Variants in KCNQ1 observed in about 807,000 individuals in gnomAD.
The protein encoded by KCNQ1 is potassium voltage-gated channel subfamily KQT member 1.
In KCNQ1, 49 loss-of-function variants were observed where a neutral mutation model predicts 72.4. The ratio of observed to expected loss-of-function variants is 0.68; its 90% confidence interval spans 0.54 to 0.86. The LOEUF (loss-of-function observed/expected upper bound fraction) is 0.86, where lower values mean the gene tolerates loss of function less well. Among genes scored for constraint, KCNQ1 ranks in the 40% least tolerant of loss-of-function variants. The pLI is 0.00. For synonymous variants in KCNQ1, 450 were observed against 412.6 expected (o/e 1.09, Z -1.10); for missense variants, 790 against 945.1 (o/e 0.84, Z 2.15).
intron 15 of KCNQ1, among the ~76,000 whole-genome samples, chr11:2,794,817 C>T (rs35569550): frequency 0.032 from 4,822 of 152,260 alleles, 121 homozygotes; most frequent in South Asian, 0.081. Context: ...AACCACATAC[C>T]TGTTCTTCCC....
intron 11 of KCNQ1, chr11:2,675,535 A>G (rs993050344): frequency 7.5e-6 from 3 of 398,482 alleles, no homozygotes; most frequent in Non-Finnish European, 1.3e-5. Flanking sequence ...TTCCAGAATC[A>G]CTCCACTGGA....
In KCNQ1 at chr11:2,713,376, GTTTTA is replaced by G. The variant is rs1296643003; in HGVS notation, c.1514+51303_1514+51307del. Among the ~76,000 whole-genome samples the G allele has an allele frequency of 6.6e-6, 1 of 152,174 alleles. No homozygotes were observed. The highest frequency in any genetic ancestry group is 1.9e-4 in the East Asian group (1 of 5,202). On this transcript the variant is annotated intron_variant, in intron 11 of 15. Transcript: ENST00000155840. The surrounding 1 kb of genome is among the most constrained non-coding windows in gnomAD (Gnocchi z 5.6). Reference sequence around the variant, plus strand: ...CATCTTTTCCGCTGTGGTTTTTATTGTTTTATTTTATTATTCCAGCTATATTACGT... The same window carrying G: ...CATCTTTTCCGCTGTGGTTTTTATTGTTTTATTATTCCAGCTATATTACGT...
At chr11:2,655,520 CA>C (rs1849830313) in intron 10 of KCNQ1, 1 of 398,618 alleles carries the variant, frequency 2.5e-6, no homozygotes, top group South Asian at 1.3e-4. Flanking sequence ...TCAAGTACAC[CA>C]TGGGCTCAAC....
At chr11:2,757,485 T>C (rs1846322515) in intron 11 of KCNQ1, among the ~76,000 whole-genome samples, 1 of 152,188 alleles carries the variant, frequency 6.6e-6, no homozygotes, top group Admixed American at 6.5e-5. Context: ...ATAGTAAACA[T>C]TTCAGTTCTC....
At chr11:2,732,786 G>A (rs549105858) in intron 11 of KCNQ1, among the ~76,000 whole-genome samples, 6 of 152,242 alleles carry the variant, frequency 3.9e-5, no homozygotes, top group African/African-American at 4.8e-5. Context: ...CCGAGGCCTC[G>A]CCTTGCAGCC....
chr11:2,842,560 G>A (rs1470044619), intron 15 of KCNQ1, among the ~76,000 whole-genome samples: 1 of 152,242 alleles, frequency 6.6e-6, no homozygotes, highest in African/African-American at 2.4e-5. Context: ...CAACCTAATG[G>A]AAAGTGAAGG....
chr11:2,596,283 C>T (rs1161020904), intron 10 of KCNQ1, among the ~76,000 whole-genome samples: 1 of 152,164 alleles, frequency 6.6e-6, no homozygotes, highest in African/African-American at 2.4e-5. Context: ...TCAGCAGTTT[C>T]TTGATGTGTT....
intron 10 of KCNQ1, chr11:2,622,044 A>C: frequency 2.5e-6 from 1 of 395,420 alleles, no homozygotes; most frequent in Non-Finnish European, 4.4e-6. Flanking sequence ...CTTTTGCTGC[A>C]TGTTTTGCTT....
chr11:2,718,917 G>A (rs1419853255), intron 11 of KCNQ1, among the ~76,000 whole-genome samples: 1 of 152,240 alleles, frequency 6.6e-6, no homozygotes, highest in African/African-American at 2.4e-5. Flanking sequence ...TTAAGGTCAG[G>A]AAGTCCATTC....
At position 2,464,219 on chromosome 11, in the gene KCNQ1, G is replaced by A. The variant is rs1846319728; in HGVS notation, c.386+18735G>A. Among the ~76,000 whole-genome samples, 1 of 152,208 alleles carries A rather than the reference G, an allele frequency of 6.6e-6. No individual in the cohort carries two copies. Among genetic ancestry groups the A allele is most frequent in the African/African-American group, 2.4e-5 (1 of 41,454 alleles). On this transcript the variant is annotated intron_variant, in intron 1 of 15. Transcript: ENST00000155840. This position sits in a 1 kb window ranked among gnomAD's most constrained non-coding sequence, Gnocchi z 5.0. Reference sequence around the variant, plus strand: ...GGCCGGAACACATGGACGTCCAGGTGTGGAATGGCCCGGACAGCAGATAAC... The same window carrying A: ...GGCCGGAACACATGGACGTCCAGGTATGGAATGGCCCGGACAGCAGATAAC...
Position 2,695,101 on chromosome 11 carries a change from T to C in KCNQ1, c.1514+33020T>C. On this transcript the variant is annotated intron_variant, in intron 11 of 15. Coordinates refer to ENST00000155840, the MANE Select transcript of KCNQ1 (RefSeq NM_000218.3). This position sits in a 1 kb window ranked among gnomAD's most constrained non-coding sequence, Gnocchi z 5.2. ...CCTAGAAATAGAAGCCACTAGAGGG[T>C]ATCTGGCAGGAGAGTCATGGAGGCA... 1 of 398,484 alleles carries C rather than the reference T, an allele frequency of 2.5e-6. No individual in the cohort carries two copies. 24.7% of individuals were successfully genotyped at this position (398,484 alleles called of 1,614,324 possible). A position where few individuals can be genotyped will look rare whatever the true frequency, so the allele number is the denominator to read the frequency against.
intron 5 of KCNQ1, among the ~76,000 whole-genome samples, chr11:2,572,495 T>C (rs1210260248): frequency 6.6e-6 from 1 of 152,206 alleles, no homozygotes; most frequent in African/African-American, 2.4e-5. Flanking sequence ...CCCCTGGCTC[T>C]GTGGGGTGAG....
chr11:2,583,555 C>T lies in KCNQ1; in HGVS notation c.1032+10C>T, dbSNP rs1848538485. On this transcript the variant is annotated intron_variant, in intron 7 of 15. Coordinates refer to ENST00000155840, the MANE Select transcript of KCNQ1 (RefSeq NM_000218.3). Reference sequence around the variant, plus strand: ...CTTTGCGCTCCCAGCGGTAGGTGCCCCGTGGGTGCGTTTTCCCTGGCTCCT... The same window carrying T: ...CTTTGCGCTCCCAGCGGTAGGTGCCTCGTGGGTGCGTTTTCCCTGGCTCCT... The T allele has an allele frequency of 6.3e-7, 1 of 1,596,210 alleles. No homozygotes were observed. The highest frequency in any genetic ancestry group is 1.1e-5 in the South Asian group (1 of 90,764).
At position 2,670,733 on chromosome 11, in the gene KCNQ1, A is replaced by C. The variant is rs971601566; in HGVS notation, c.1514+8652A>C. The stretch of plus-strand genomic sequence containing the variant: ...CATGGAGCAGGAGGGAACAGTCTGC[A>C]GATATTATCTGGGCACTGGCCAGTG... On this transcript the variant is annotated intron_variant, in intron 11 of 15. Transcript: ENST00000155840. This position sits in a 1 kb window ranked among gnomAD's most constrained non-coding sequence, Gnocchi z 4.9. 2.5e-6 allele frequency: 1 copy of C among 398,484 alleles called. No homozygotes were observed. Among genetic ancestry groups the C allele is most frequent in the Non-Finnish European group, 4.4e-6 (1 of 226,076 alleles). 24.7% of individuals were successfully genotyped at this position (398,484 alleles called of 1,614,324 possible).
chr11:2,625,892 T>C (rs943498011), intron 10 of KCNQ1: 8 of 398,512 alleles, frequency 2.0e-5, no homozygotes, highest in East Asian at 1.8e-4. Context: ...TTCAGGTGCA[T>C]TGTTTTTTGG....
At chr11:2,833,957 C>T (rs1848010251) in intron 15 of KCNQ1, among the ~76,000 whole-genome samples, 1 of 152,252 alleles carries the variant, frequency 6.6e-6, no homozygotes, top group Non-Finnish European at 1.5e-5. Context: ...TCCTCACCCC[C>T]TTCCCAGGCT....
At position 2,651,437 on chromosome 11, in the gene KCNQ1, G is replaced by A; in HGVS notation, c.1394-10524G>A. On this transcript the variant is annotated intron_variant, in intron 10 of 15. Coordinates refer to ENST00000155840, the MANE Select transcript of KCNQ1 (RefSeq NM_000218.3). The surrounding 1 kb of genome is among the most constrained non-coding windows in gnomAD (Gnocchi z 6.1). ...GCCTGCCCTGTGTGCAGCTCAGCAA[G>A]TGCCTGAAGTCAGAGGTAGTGCTTA... 5.0e-6 allele frequency: 2 copies of A among 398,726 alleles called. No individual in the cohort carries two copies. The highest frequency in any genetic ancestry group is 8.8e-6 in the Non-Finnish European group (2 of 226,120). The allele number at this position is 398,726 out of a possible 1,614,324, so 24.7% of individuals were successfully genotyped here.
intron 11 of KCNQ1, chr11:2,693,137 G>T: frequency 2.5e-6 from 1 of 398,652 alleles, no homozygotes; most frequent in Admixed American, 4.4e-5. Flanking sequence ...TCAATCACCA[G>T]ATAGCCCTCA....
rs1327213732 is a variant in KCNQ1 at position 2,687,944 on chromosome 11, C to T, written c.1514+25863C>T. On this transcript the variant is annotated intron_variant, in intron 11 of 15. Coordinates refer to ENST00000155840, the MANE Select transcript of KCNQ1 (RefSeq NM_000218.3). The surrounding 1 kb of genome is among the most constrained non-coding windows in gnomAD (Gnocchi z 5.0). ...TGTGAGGCTGCACTTCTCCCACCCGCTGTGGGTCAGCCAGGCCGCTGCTTC... is the reference window on the plus strand; with the variant it reads ...TGTGAGGCTGCACTTCTCCCACCCGTTGTGGGTCAGCCAGGCCGCTGCTTC... 1.0e-5 allele frequency: 4 copies of T among 398,666 alleles called. No homozygotes were observed. The highest frequency in any genetic ancestry group is 8.2e-5 in the African/African-American group (4 of 48,640). The allele number at this position is 398,666 out of a possible 1,614,324, so 24.7% of individuals were successfully genotyped here. A position where few individuals can be genotyped will look rare whatever the true frequency, so the allele number is the denominator to read the frequency against.
Sources: gnomAD v4.1 joint callset for allele counts (sites outside exome capture counted in the v4.1 genomes callset) on GRCh38, gnomAD v4.1.1 for gene constraint, Gnocchi (gnomAD v3.1) non-coding constraint, MANE v1.5 for transcripts, NCBI Gene and HGNC (gene_info 2026-07-23, HGNC 2026-07-21) for gene names.